ABHD12: variants seen among roughly 807,000 people sequenced by gnomAD.
ABHD12 encodes the protein abhydrolase domain containing 12, lysophospholipase, also known as lysophosphatidylserine lipase ABHD12.
Under a neutral mutation model 58.3 loss-of-function variants are expected in ABHD12, and 43 were observed. The observed-to-expected ratio is 0.74, with a 90% CI of 0.58 to 0.95. The LOEUF (loss-of-function observed/expected upper bound fraction) is 0.95, where lower values mean the gene tolerates loss of function less well. Ranked by LOEUF, ABHD12 falls within the 40% of genes least tolerant of loss-of-function variation. The probability of loss-of-function intolerance (pLI) is 0.00; values close to 1 mark genes in which losing one functional copy is unlikely to be tolerated. For missense variants in ABHD12, 539 were observed against 537.2 expected, an observed-to-expected ratio of 1.00 and a Z score of -0.03; for synonymous variants, 219 against 211.2, an observed-to-expected ratio of 1.04 and a Z score of -0.32.
intron 2 of ABHD12, among the ~76,000 whole-genome samples, chr20:25,325,416 TG>T (rs1401656726): frequency 6.6e-6 from 1 of 152,142 alleles, no homozygotes; most frequent in Non-Finnish European, 1.5e-5. Flanking sequence ...CCTAAGAGTG[TG>T]ACCTTACTTG....
chr20:25,333,687 A>G (rs1238811902), intron 2 of ABHD12, among the ~76,000 whole-genome samples: 1 of 151,996 alleles, frequency 6.6e-6, no homozygotes, highest in African/African-American at 2.4e-5. Flanking sequence ...CAGCATATAA[A>G]CAGAACCAAA....
chr20:25,330,128 G>C lies in ABHD12; in HGVS notation c.317-6698C>G, dbSNP rs567938602. ...CGCGCACCGTGCGCAAGCCAAAGCA[G>C]GGCAAGGCATTGCCTCACTCGGGAA... On this transcript the variant is annotated intron_variant, in intron 2 of 12. Transcript: ENST00000339157. Among the ~76,000 whole-genome samples, 7 of 152,384 alleles carry C rather than the reference G, an allele frequency of 4.6e-5. No homozygotes were observed. The East Asian group carries it at 1.3e-3, about 29-fold the overall frequency.
At chr20:25,322,030 A>T (rs1304246414) in intron 3 of ABHD12, among the ~76,000 whole-genome samples, 1 of 152,216 alleles carries the variant, frequency 6.6e-6, no homozygotes, top group Non-Finnish European at 1.5e-5. Context: ...GAGACAGTGG[A>T]AAGCGACGTT....
chr20:25,335,699 T>C (rs182352962), intron 2 of ABHD12, among the ~76,000 whole-genome samples: 1,640 of 149,360 alleles, frequency 0.011, 29 homozygotes, highest in African/African-American at 0.036. Context: ...CAGTAAACTA[T>C]TGCAAGATCA....
At chr20:25,390,492 C>A (rs1351927740) in intron 1 of ABHD12, 21 bp downstream of exon 1, 9 of 1,351,758 alleles carry the variant, frequency 6.7e-6, no homozygotes, top group African/African-American at 4.9e-5. Context: ...CCCCCCCCCC[C>A]CGCTCCGCGC....
At chr20:25,306,785 C>CA (rs770770850) in intron 10 of ABHD12, 48 bp downstream of exon 10, 1 of 1,362,652 alleles carries the variant, frequency 7.3e-7, no homozygotes, top group Non-Finnish European at 1.0e-6. Context: ...CAGAGGTTCT[C>CA]AGAGTTTTTC....
intron 1 of ABHD12, chr20:25,368,577 A>G (rs2089856113): frequency 4.3e-6 from 6 of 1,398,706 alleles, no homozygotes; most frequent in Non-Finnish European, 6.1e-6. Flanking sequence ...TGAAGTCACC[A>G]CCCTGATACA....
chr20:25,303,251 C>A (rs945999676), intron 11 of ABHD12: 2 of 1,247,820 alleles, frequency 1.6e-6, no homozygotes, highest in African/African-American at 1.5e-5. Flanking sequence ...ATAGGCAGCC[C>A]ACTCTGATAA....
At chr20:25,317,019 G>T (rs759713824) in intron 5 of ABHD12, 29 bp downstream of exon 5, 2 of 1,609,618 alleles carry the variant, frequency 1.2e-6, no homozygotes, top group Non-Finnish European at 8.5e-7. Context: ...ACAGCCCAGG[G>T]AACAGGTGTG....
chr20:25,365,396 C>T (rs1469731097), intron 1 of ABHD12, among the ~76,000 whole-genome samples: 2 of 151,836 alleles, frequency 1.3e-5, no homozygotes, highest in Non-Finnish European at 2.9e-5. Flanking sequence ...TTTTTTCTAT[C>T]AACAAGATAT....
chr20:25,368,527 C>G, intron 1 of ABHD12: 1 of 1,484,780 alleles, frequency 6.7e-7, no homozygotes, highest in Non-Finnish European at 9.4e-7. Flanking sequence ...CACCAAATTT[C>G]TCCCCGTAAA....
intron 10 of ABHD12, 68 bp from the exon 11 acceptor site, chr20:25,303,696 T>C (rs2088682623): frequency 1.2e-6 from 2 of 1,604,348 alleles, no homozygotes; most frequent in Non-Finnish European, 1.7e-6. Context: ...CCTCTGTCCA[T>C]GGCAGGGATC....
chr20:25,295,552 T>C, downstream of ABHD12: 8 of 1,557,936 alleles, frequency 5.1e-6, no homozygotes, highest in South Asian at 8.9e-5. Flanking sequence ...CTCGGGACAG[T>C]GTGGGCAGGG....
rs527705365 is a variant in ABHD12 at position 25,308,122 on chromosome 20, C to A, written c.788-77G>T. 20 of 1,058,872 alleles carry A rather than the reference C, an allele frequency of 1.9e-5. No individual in the cohort carries two copies. The East Asian group carries it at 2.8e-4, about 15-fold the overall frequency. 65.6% of individuals were successfully genotyped at this position (1,058,872 alleles called of 1,614,324 possible). Reference sequence around the variant, plus strand: ...ATGTGGCCTGTGGGGCTCTGAGGGGCCCCCAGAAAGCACAAGGAGACCACA... The same window carrying A: ...ATGTGGCCTGTGGGGCTCTGAGGGGACCCCAGAAAGCACAAGGAGACCACA... On this transcript the variant is annotated intron_variant, in intron 8 of 12. Transcript: ENST00000339157.
At chr20:25,295,471 C>T (rs868181645), downstream of ABHD12, 112 of 986,738 alleles carry the variant, frequency 1.1e-4, no homozygotes, top group African/African-American at 1.3e-3. Flanking sequence ...TGACCAGCTG[C>T]GTGGGTGGGC....
chr20:25,381,013 C>A (rs2090015607), intron 1 of ABHD12, among the ~76,000 whole-genome samples: 1 of 152,208 alleles, frequency 6.6e-6, no homozygotes, highest in Non-Finnish European at 1.5e-5. Flanking sequence ...CATGCCTCTT[C>A]TTATCTCCAC....
At chr20:25,334,750 A>G (rs1407791551) in intron 2 of ABHD12, among the ~76,000 whole-genome samples, 4 of 149,984 alleles carry the variant, frequency 2.7e-5, no homozygotes, top group African/African-American at 9.8e-5. Flanking sequence ...CTGGCTAGCC[A>G]TATGTAGAAA....
chr20:25,322,381 A>ATATATATATATATATATATTCTTTT, intron 3 of ABHD12, among the ~76,000 whole-genome samples: 1 of 59,286 alleles, frequency 1.7e-5, no homozygotes, highest in Non-Finnish European at 3.2e-5. Context: ...ATATATATAT[A>ATATATATATATATATATATTCTTTT]TTTTTTTTTT....
chr20:25,323,212 G>A (rs1600797798), intron 3 of ABHD12, 113 bp downstream of exon 3: 1 of 769,566 alleles, frequency 1.3e-6, no homozygotes. Context: ...AAAGGAAGAG[G>A]TGAAGATAAA....
Sources: allele counts gnomAD v4.1 joint callset (sites outside exome capture counted in the v4.1 genomes callset), GRCh38; gene constraint gnomAD v4.1.1; transcripts MANE v1.5; gene names NCBI Gene and HGNC (gene_info 2026-07-23, HGNC 2026-07-21).